The following GPR78 variants were observed in gnomAD, a reference collection of about 807,000 sequenced individuals.
GPR78 encodes G protein-coupled receptor 78.
In GPR78, 29 loss-of-function variants were observed where a neutral mutation model predicts 17.9. That is an observed-to-expected ratio of 1.62 (90% CI 1.20 to 2.21). GPR78 has a LOEUF of 2.21. Ranked by LOEUF, GPR78 falls within the 30% of genes most tolerant of loss-of-function variation. GPR78 has a pLI of 0.00. For synonymous variants in GPR78, 349 were observed against 256.9 expected (o/e 1.36, Z -3.43); for missense variants, 649 against 530.5 (o/e 1.22, Z -2.19).
intron 2 of GPR78, among the ~76,000 whole-genome samples, chr4:8,583,948 T>C (rs187467055): frequency 1.3e-4 from 20 of 152,322 alleles, no homozygotes; most frequent in Admixed American, 1.3e-3. Flanking sequence ...GGAAACTTCA[T>C]GGGCACAAGT....
intron 2 of GPR78, among the ~76,000 whole-genome samples, chr4:8,585,787 G>T (rs867032406): frequency 6.6e-6 from 1 of 151,820 alleles, no homozygotes; most frequent in South Asian, 2.1e-4. Flanking sequence ...CTGCCTGCCT[G>T]CCTGCCAGCC....
rs1433963671 is a variant in GPR78 at position 8,589,603 on chromosome 4, G to A, written c.*2240G>A. On this transcript the variant is annotated 3_prime_UTR_variant, in exon 3 of 3. Coordinates refer to ENST00000382487, the MANE Select transcript of GPR78 (RefSeq NM_080819.5). Reference sequence around the variant, plus strand: ...TCTCCTGTCCCTGGGAGCTCCCCAGGTGCGAGGAGCCTGCCAGCCAGTGGG... The same window carrying A: ...TCTCCTGTCCCTGGGAGCTCCCCAGATGCGAGGAGCCTGCCAGCCAGTGGG... 1.3e-5 allele frequency among the ~76,000 whole-genome samples: 2 copies of A among 152,218 alleles called. No homozygotes were observed. Among genetic ancestry groups the A allele is most frequent in the Non-Finnish European group, 2.9e-5 (2 of 68,046 alleles).
chr4:8,587,219 C>A lies in GPR78; in HGVS notation c.948C>A (p.Thr316=). 6.2e-7 allele frequency: 1 copy of A among 1,610,800 alleles called. No homozygotes were observed. The highest frequency in any genetic ancestry group is 8.5e-7 in the Non-Finnish European group (1 of 1,177,868). ...TGGTGCACCGGCTGCTGAAGAGAACCCCGCGCCCAGCATCCACCCATGACA... is the reference window on the plus strand; with the variant it reads ...TGGTGCACCGGCTGCTGAAGAGAACACCGCGCCCAGCATCCACCCATGACA... The part of the protein sequence containing the change: ...AGMVHRLLKR[T]PRPASTHDSS... Residue 316 remains threonine, a synonymous_variant, in exon 3 of 3, where the codon ACC becomes ACA. Coordinates refer to ENST00000382487, the MANE Select transcript of GPR78 (RefSeq NM_080819.5).
At chr4:8,584,622 T>A (rs1002881965) in intron 2 of GPR78, among the ~76,000 whole-genome samples, 1 of 152,076 alleles carries the variant, frequency 6.6e-6, no homozygotes, top group African/African-American at 2.4e-5. Context: ...GGTGTTTCAG[T>A]GGGGGAGGGG....
At position 8,587,340 on chromosome 4, in the gene GPR78, T is replaced by C. The variant is rs757449379; in HGVS notation, c.1069T>C (p.Ser357Pro). ...CGGCTCTGTGGACACAGAGAATGAT[T>C]CCTGCCTGCAGCAGACACACTGAGG... ...HNGSVDTENDSCLQQTH is the reference protein window; with the variant it reads ...HNGSVDTENDPCLQQTH The change falls in exon 3 of 3, where the codon TCC becomes CCC. Residue 357 changes from serine (S) to proline (P), a missense_variant. Ser to Pro is a moderately conservative substitution (Grantham distance 74). Transcript: ENST00000382487. 2 of 1,612,746 alleles carry C rather than the reference T, an allele frequency of 1.2e-6. No homozygotes were observed. Among genetic ancestry groups the C allele is most frequent in the Non-Finnish European group, 1.7e-6 (2 of 1,179,880 alleles).
chr4:8,581,030 G>A lies in GPR78; in HGVS notation c.48G>A (p.Leu16=), dbSNP rs1268466685. 2 of 1,601,278 alleles carry A rather than the reference G, an allele frequency of 1.2e-6. No homozygotes were observed. Among genetic ancestry groups the A allele is most frequent in the South Asian group, 1.1e-5 (1 of 89,752 alleles). ...ALLAGLLVMV[L]AVALLSNALV... ...TGGCGGGTCTCCTGGTGATGGTACT[G>A]GCCGTGGCGCTGCTATCCAACGCAC... Residue 16 remains leucine (L), a synonymous_variant, in exon 1 of 3, where the codon CTG becomes CTA. Transcript: ENST00000382487.
In GPR78 at chr4:8,587,300, A is replaced by G; in HGVS notation, c.1029A>G (p.Pro343=). 2 of 1,612,454 alleles carry G rather than the reference A, an allele frequency of 1.2e-6. No homozygotes were observed. Among genetic ancestry groups the G allele is most frequent in the Non-Finnish European group, 1.7e-6 (2 of 1,179,508 alleles). Residue 343 remains proline (P), a synonymous_variant, in exon 3 of 3, where the codon CCA becomes CCG. Coordinates refer to ENST00000382487, the MANE Select transcript of GPR78 (RefSeq NM_080819.5). ...VHQLLKRTPR[P]ASTHNGSVDT... is the part of the protein sequence containing the mutation. ...AGCTGCTGAAGAGAACCCCGCGCCC[A>G]GCGTCCACCCACAACGGCTCTGTGG...
chr4:8,587,444 G>T lies in GPR78; in HGVS notation c.*81G>T. 1 of 1,391,288 alleles carries T rather than the reference G, an allele frequency of 7.2e-7. No homozygotes were observed. The highest frequency in any genetic ancestry group is 2.4e-5 in the East Asian group (1 of 42,494). 86.2% of individuals were successfully genotyped at this position (1,391,288 alleles called of 1,614,324 possible). Reference sequence around the variant, plus strand: ...TGGCCCTGCCACAGAGATGCCACTGGGGACCCCCAGACACCAGTGGCTTGA... The same window carrying T: ...TGGCCCTGCCACAGAGATGCCACTGTGGACCCCCAGACACCAGTGGCTTGA... On this transcript the variant is annotated 3_prime_UTR_variant, in exon 3 of 3. Transcript: ENST00000382487.
At position 8,581,120 on chromosome 4, in the gene GPR78, G is replaced by GA; in HGVS notation, c.140dup (p.Asn47LysfsTer119). 6.2e-7 allele frequency: 1 copy of GA among 1,606,312 alleles called. No individual in the cohort carries two copies. The highest frequency in any genetic ancestry group is 8.5e-7 in the Non-Finnish European group (1 of 1,179,782). On this transcript the variant is annotated frameshift_variant, in exon 1 of 3. Coordinates refer to ENST00000382487, the MANE Select transcript of GPR78 (RefSeq NM_080819.5). LOFTEE classifies it high-confidence loss of function. ...CTCGAGCCTCAGGCGTCCTCCTGGT[G>GA]AATCTGTCTCTGGGCCACCTGCTGC... is the stretch of plus-strand genomic sequence containing the variant.
At position 8,581,179 on chromosome 4, in the gene GPR78, G is replaced by T. The variant is rs752208253; in HGVS notation, c.197G>T (p.Gly66Val). 5 of 1,603,108 alleles carry T rather than the reference G, an allele frequency of 3.1e-6. No homozygotes were observed. In the East Asian group the frequency reaches 1.1e-4, roughly 36 times the overall value. Residue 66 changes from glycine (G) to valine (V), a missense_variant, in exon 1 of 3, where the codon GGT becomes GTT. Gly to Val is a moderately radical substitution (Grantham distance 109, BLOSUM62 -3). Transcript: ENST00000382487. ...AALDMPFTLL[G>V]VMRGRTPSAP... ...CTGGACATGCCCTTCACGCTGCTCGGTGTGATGCGCGGGCGGACACCGTCG... is the reference window on the plus strand; with the variant it reads ...CTGGACATGCCCTTCACGCTGCTCGTTGTGATGCGCGGGCGGACACCGTCG...
chr4:8,586,222 G>C (rs144637794), intron 2 of GPR78, among the ~76,000 whole-genome samples: 1 of 152,256 alleles, frequency 6.6e-6, no homozygotes, highest in Non-Finnish European at 1.5e-5. Context: ...GGGTCCGTCA[G>C]AGTCCCCAGA....
chr4:8,588,917 A>G lies in GPR78; in HGVS notation c.*1554A>G, dbSNP rs1458632050. Among the ~76,000 whole-genome samples, 2 of 152,208 alleles carry G rather than the reference A, an allele frequency of 1.3e-5. No individual in the cohort carries two copies. The highest frequency in any genetic ancestry group is 2.9e-5 in the Non-Finnish European group (2 of 68,028). On this transcript the variant is annotated 3_prime_UTR_variant, in exon 3 of 3. Transcript: ENST00000382487. ...GGTCTGACTCTGTTGCCTAGGCTAG[A>G]GTGCAGTGGTGCAATCTCAGCTCAC... is the stretch of plus-strand genomic sequence containing the variant.
In GPR78 at chr4:8,587,420, G is replaced by A. The variant is rs1713560635; in HGVS notation, c.*57G>A. ...TAAGAAGCCCTGTGGAAAGGGCACT[G>A]GCCCTGCCACAGAGATGCCACTGGG... On this transcript the variant is annotated 3_prime_UTR_variant, in exon 3 of 3. Coordinates refer to ENST00000382487, the MANE Select transcript of GPR78 (RefSeq NM_080819.5). 11 of 1,538,154 alleles carry A rather than the reference G, an allele frequency of 7.2e-6. No individual in the cohort carries two copies. Among genetic ancestry groups the A allele is most frequent in the South Asian group, 1.2e-5 (1 of 82,628 alleles).
At chr4:8,586,990 G>A (rs905275726) in intron 2 of GPR78, 64 bp from the exon 3 acceptor site, 81 of 1,403,828 alleles carry the variant, frequency 5.8e-5, no homozygotes, top group Admixed American at 2.2e-4. Context: ...ACCTTCCCCC[G>A]GAGCGTGAGT....
Position 8,589,798 on chromosome 4 carries a change from C to T in GPR78, c.*2435C>T, listed in dbSNP as rs1008916232. Among the ~76,000 whole-genome samples, 5 of 152,148 alleles carry T rather than the reference C, an allele frequency of 3.3e-5. No individual in the cohort carries two copies. Among genetic ancestry groups the T allele is most frequent in the African/African-American group, 7.2e-5 (3 of 41,432 alleles). ...GCTTGCTGTCATGTTTCGCCTTCCT[C>T]GGCAGCTCCATGGAATGTTCTGGAG... On this transcript the variant is annotated 3_prime_UTR_variant, in exon 3 of 3. Transcript: ENST00000382487.
chr4:8,583,318 A>G (rs1259173537), intron 2 of GPR78, among the ~76,000 whole-genome samples: 1 of 152,170 alleles, frequency 6.6e-6, no homozygotes, highest in East Asian at 1.9e-4. Context: ...CACCGTGGTT[A>G]GAGGGAGGCA....
intron 2 of GPR78, 114 bp downstream of exon 2, chr4:8,582,758 G>C (rs1477766998): frequency 1.4e-6 from 1 of 737,010 alleles, no homozygotes; most frequent in Non-Finnish European, 2.4e-6. Context: ...CACCACCAGA[G>C]GACCCTCCTC....
chr4:8,587,497 G>A lies in GPR78; in HGVS notation c.*134G>A. On this transcript the variant is annotated 3_prime_UTR_variant, in exon 3 of 3. Transcript: ENST00000382487. The stretch of plus-strand genomic sequence containing the variant: ...TTGAGCTAAGGCTGAAGTACAGGAG[G>A]AGGAGGAGGAGAGGGCCGGATGTGG... 1 of 867,948 alleles carries A rather than the reference G, an allele frequency of 1.2e-6. No individual in the cohort carries two copies. 53.8% of individuals were successfully genotyped at this position (867,948 alleles called of 1,614,324 possible).
chr4:8,582,645 G>A lies in GPR78; in HGVS notation c.782+1G>A. The stretch of plus-strand genomic sequence containing the variant: ...GCTTTGCCCCGTATGTCATGACCAG[G>A]TGGGTCCTGGCAGTCCGGCTCCTGT... On this transcript the variant is annotated splice_donor_variant, in intron 2 of 2. Transcript: ENST00000382487. LOFTEE classifies it high-confidence loss of function. 1 of 1,593,662 alleles carries A rather than the reference G, an allele frequency of 6.3e-7. No individual in the cohort carries two copies. The highest frequency in any genetic ancestry group is 8.6e-7 in the Non-Finnish European group (1 of 1,161,490).
Sources: allele counts gnomAD v4.1 joint callset (sites outside exome capture counted in the v4.1 genomes callset), GRCh38; gene constraint gnomAD v4.1.1; transcripts MANE v1.5; gene names NCBI Gene and HGNC (gene_info 2026-07-23, HGNC 2026-07-21).